GABRR1: variants seen among roughly 807,000 people sequenced by gnomAD.
GABRR1 encodes gamma-aminobutyric acid type A receptor subunit rho1.
Under a neutral mutation model 55.5 loss-of-function variants are expected in GABRR1, and 59 were observed. The observed-to-expected ratio is 1.06, with a 90% CI of 0.86 to 1.32. The LOEUF is 1.32. GABRR1 is among the 40% of genes most tolerant of loss of function. The pLI is 0.00. For synonymous variants in GABRR1, 213 were observed against 226.0 expected (o/e 0.94, Z 0.51); for missense variants, 602 against 619.1 (o/e 0.97, Z 0.29).
chr6:89,202,952 G>A (rs1168676300), intron 2 of GABRR1, among the ~76,000 whole-genome samples: 1 of 152,054 alleles, frequency 6.6e-6, no homozygotes, highest in Non-Finnish European at 1.5e-5. Flanking sequence ...TGGCCTGCAA[G>A]CAACTCCCAC....
intron 1 of GABRR1, among the ~76,000 whole-genome samples, chr6:89,205,181 C>T (rs1245485054): frequency 6.6e-6 from 1 of 152,164 alleles, no homozygotes; most frequent in Admixed American, 6.5e-5. Flanking sequence ...GATACAAAGA[C>T]TTTAAATAAC....
chr6:89,204,722 A>C (rs1276589494), intron 1 of GABRR1: 11 of 1,120,772 alleles, frequency 9.8e-6, no homozygotes, highest in Non-Finnish European at 1.3e-5. Context: ...GATGAATAAA[A>C]TACAGTTATA....
At chr6:89,211,545 T>C (rs992783086) in intron 1 of GABRR1, among the ~76,000 whole-genome samples, 1 of 152,182 alleles carries the variant, frequency 6.6e-6, no homozygotes, top group African/African-American at 2.4e-5. Flanking sequence ...TATCTAGGGC[T>C]CACTTCTCAG....
intron 1 of GABRR1, among the ~76,000 whole-genome samples, chr6:89,214,282 G>A (rs1234087778): frequency 6.0e-5 from 1 of 16,804 alleles, no homozygotes; most frequent in Non-Finnish European, 1.5e-4. Context: ...TGTAAGACCT[G>A]AAACTGTAAA....
chr6:89,203,363 C>A, intron 2 of GABRR1, 72 bp downstream of exon 2: 1 of 1,361,970 alleles, frequency 7.3e-7, no homozygotes, highest in South Asian at 1.2e-5. Context: ...AGGGGCCCTG[C>A]TGAAAATCAC....
At chr6:89,199,492 T>C (rs1772399813) in intron 3 of GABRR1, 63 bp from the exon 4 acceptor site, 11 of 1,500,874 alleles carry the variant, frequency 7.3e-6, no homozygotes, top group African/African-American at 6.9e-5. Context: ...ATGGAGGAAA[T>C]AGGCAAAAGG....
At chr6:89,189,768 A>G (rs570620743) in intron 6 of GABRR1, among the ~76,000 whole-genome samples, 1 of 152,346 alleles carries the variant, frequency 6.6e-6, no homozygotes, top group African/African-American at 2.4e-5. Flanking sequence ...CATTACTTTA[A>G]AAGTACAGTC....
intron 1 of GABRR1, among the ~76,000 whole-genome samples, chr6:89,210,818 A>G (rs1199101386): frequency 6.6e-6 from 1 of 152,126 alleles, no homozygotes; most frequent in East Asian, 1.9e-4. Flanking sequence ...GCAGAGAAAA[A>G]TGAGATAAAA....
chr6:89,196,769 T>C (rs540490948), intron 5 of GABRR1, among the ~76,000 whole-genome samples: 6 of 121,264 alleles, frequency 4.9e-5, no homozygotes, highest in Non-Finnish European at 1.0e-4. Context: ...AGAGCAAAAC[T>C]CTGTAAATAA....
intron 5 of GABRR1, among the ~76,000 whole-genome samples, chr6:89,197,263 A>C (rs1428591118): frequency 2.6e-5 from 4 of 152,234 alleles, no homozygotes; most frequent in Non-Finnish European, 4.4e-5. Context: ...TCAGCACGGA[A>C]GCCAAAGCAA....
chr6:89,183,746 G>A (rs77626957), intron 7 of GABRR1, among the ~76,000 whole-genome samples: 6 of 152,114 alleles, frequency 3.9e-5, no homozygotes, highest in Admixed American at 1.3e-4. Context: ...ATTATTCTAG[G>A]TGAAATAACT....
intron 6 of GABRR1, among the ~76,000 whole-genome samples, chr6:89,187,490 T>C (rs1338051134): frequency 1.3e-5 from 2 of 152,216 alleles, no homozygotes; most frequent in Non-Finnish European, 2.9e-5. Flanking sequence ...AAAATTTTCA[T>C]GTAGTATCTG....
chr6:89,185,238 C>T, intron 7 of GABRR1, 72 bp downstream of exon 7: 3 of 1,588,692 alleles, frequency 1.9e-6, no homozygotes, highest in South Asian at 1.1e-5. Context: ...CAAACCTTTC[C>T]TATAATAGAG....
intron 6 of GABRR1, among the ~76,000 whole-genome samples, chr6:89,189,695 G>A (rs1362297379): frequency 1.3e-5 from 2 of 151,848 alleles, no homozygotes; most frequent in African/African-American, 2.4e-5. Flanking sequence ...TGGCAATGAA[G>A]GTTTTAGTTT....
upstream of GABRR1, among the ~76,000 whole-genome samples, chr6:89,220,127 G>A (rs963017777): frequency 5.3e-5 from 8 of 152,160 alleles, no homozygotes; most frequent in Admixed American, 2.0e-4. Flanking sequence ...AAATTGGGGA[G>A]GTAGAAAGGA....
chr6:89,212,044 T>C lies in GABRR1; in HGVS notation c.122+5157A>G, dbSNP rs1772848666. 5.4e-6 allele frequency: 2 copies of C among 367,360 alleles called. 1 individual carries two copies. The highest frequency in any genetic ancestry group is 3.0e-4 in the East Asian group (2 of 6,592). The allele number at this position is 367,360 out of a possible 1,614,324, so 22.8% of individuals were successfully genotyped here. A position where few individuals can be genotyped will look rare whatever the true frequency, so the allele number is the denominator to read the frequency against. On this transcript the variant is annotated intron_variant, in intron 1 of 9. Transcript: ENST00000454853. ...TATCCCTTCCTGCTGACTGGACAGC[T>C]GTCTCTGGGTATCTTGCAAGCACAT...
At chr6:89,215,733 A>C (rs1440579671) in intron 1 of GABRR1, among the ~76,000 whole-genome samples, 1 of 152,238 alleles carries the variant, frequency 6.6e-6, no homozygotes, top group African/African-American at 2.4e-5. Context: ...ATTAGACTTA[A>C]TCATTCCACA....
chr6:89,184,885 C>CTTTCTTTCTT (rs776768704), intron 7 of GABRR1, among the ~76,000 whole-genome samples: 2 of 123,738 alleles, frequency 1.6e-5, no homozygotes, highest in Non-Finnish European at 3.3e-5. Flanking sequence ...TCTTTTCTTT[C>CTTTCTTTCTT]TTTTTTTTTT....
At chr6:89,213,708 T>C (rs972594402) in intron 1 of GABRR1, among the ~76,000 whole-genome samples, 2 of 152,248 alleles carry the variant, frequency 1.3e-5, no homozygotes, top group African/African-American at 4.8e-5. Context: ...TAAGTGAACA[T>C]GCAGACTATA....
Sources: gnomAD v4.1 joint callset for allele counts (sites outside exome capture counted in the v4.1 genomes callset) on GRCh38, gnomAD v4.1.1 for gene constraint, MANE v1.5 for transcripts, NCBI Gene and HGNC (gene_info 2026-07-23, HGNC 2026-07-21) for gene names.